CYP4F22: variants seen among roughly 807,000 people sequenced by gnomAD.
CYP4F22 encodes the protein ultra-long-chain fatty acid omega-hydroxylase.
CYP4F22 carries 37 observed loss-of-function variants against 60.4 expected under a neutral mutation model. The observed-to-expected ratio is 0.61, with a 90% CI of 0.47 to 0.81. The LOEUF is 0.81. Among genes scored for constraint, CYP4F22 ranks in the 30% least tolerant of loss-of-function variants. The pLI, the probability that CYP4F22 is intolerant of heterozygous loss-of-function variation, is 0.00. For missense variants in CYP4F22, 655 were observed against 715.0 expected, an observed-to-expected ratio of 0.92 and a Z score of 0.96; for synonymous variants, 258 against 280.5, an observed-to-expected ratio of 0.92 and a Z score of 0.80.
chr19:15,513,538 T>G (rs147333558), intron 1 of CYP4F22, among the ~76,000 whole-genome samples: 7,017 of 151,386 alleles, frequency 0.046, 604 homozygotes, highest in African/African-American at 0.16. Context: ...CTAATTTTTT[T>G]TATTTTTAGT....
rs547013825 is a variant in CYP4F22, at chr19:15,547,965, C to T, written c.1137-143C>T. 71 of 1,243,708 alleles carry T rather than the reference C, an allele frequency of 5.7e-5. No individual in the cohort carries two copies. In the Middle Eastern group the frequency reaches 1.4e-3, roughly 24 times the overall value. The allele number at this position is 1,243,708 out of a possible 1,614,324, so 77.0% of individuals were successfully genotyped here. A position where few individuals can be genotyped will look rare whatever the true frequency, so the allele number is the denominator to read the frequency against. On this transcript the variant is annotated intron_variant, in intron 10 of 13. Coordinates refer to ENST00000269703, the MANE Select transcript of CYP4F22 (RefSeq NM_173483.4). ...CTGGACTGGTTTCTTGCCCAGCTGCCCCTGAGAGAGAGAGAGAGAGAGAGA... is the reference window on the plus strand; with the variant it reads ...CTGGACTGGTTTCTTGCCCAGCTGCTCCTGAGAGAGAGAGAGAGAGAGAGA...
In CYP4F22 at chr19:15,540,950, G is replaced by T. The variant is rs139901168; in HGVS notation, c.939+233G>T. On this transcript the variant is annotated intron_variant, in intron 8 of 13. Coordinates refer to ENST00000269703, the MANE Select transcript of CYP4F22 (RefSeq NM_173483.4). ...AAACAAATAAGTTGGGTGTGGTGCCGCATGCCTATGGTCCCAGCTACTTGG... is the reference window on the plus strand; with the variant it reads ...AAACAAATAAGTTGGGTGTGGTGCCTCATGCCTATGGTCCCAGCTACTTGG... Among the ~76,000 whole-genome samples, 291 of 152,228 alleles carry T rather than the reference G, an allele frequency of 1.9e-3. 1 individual carries two copies. Among genetic ancestry groups the T allele is most frequent in the Non-Finnish European group, 1.2e-3 (79 of 68,014 alleles).
At chr19:15,542,980 G>A (rs1971480811) in intron 8 of CYP4F22, among the ~76,000 whole-genome samples, 2 of 152,100 alleles carry the variant, frequency 1.3e-5, no homozygotes, top group Non-Finnish European at 2.9e-5. Context: ...TTGATTCCAT[G>A]TCTTTGTTAT....
chr19:15,537,305 A>T, intron 4 of CYP4F22, 56 bp from the exon 5 acceptor site: 1 of 1,611,038 alleles, frequency 6.2e-7, no homozygotes, highest in Non-Finnish European at 8.5e-7. Context: ...CGTAAAAAAA[A>T]ACAAAAAACC....
At chr19:15,509,913 CT>C (rs1310007870) in intron 1 of CYP4F22, among the ~76,000 whole-genome samples, 5 of 142,378 alleles carry the variant, frequency 3.5e-5, no homozygotes, top group Non-Finnish European at 7.6e-5. Context: ...TCCTTTCTTT[CT>C]TTCCTTCCTT....
intron 10 of CYP4F22, among the ~76,000 whole-genome samples, chr19:15,546,200 C>T (rs1971524205): frequency 6.6e-6 from 1 of 152,034 alleles, no homozygotes. Context: ...GCTCTCAAAT[C>T]CCTGAGTGCA....
At chr19:15,536,958 C>T (rs1012108510) in intron 4 of CYP4F22, among the ~76,000 whole-genome samples, 8 of 151,862 alleles carry the variant, frequency 5.3e-5, no homozygotes, top group Non-Finnish European at 1.2e-4. Context: ...AGGTTGGAGC[C>T]CAGTGAGGAG....
In CYP4F22 at chr19:15,550,707, C is replaced by T. The variant is rs1277300022; in HGVS notation, c.1369C>T (p.Pro457Ser). Residue 457 changes from proline (P) to serine (S), a missense_variant, in exon 13 of 14, where the codon CCA becomes TCA. Around this residue, in one of 3 missense-constraint regions of CYP4F22, gnomAD observed 151 missense variants for 139.4 expected, o/e 1.08. Coordinates refer to ENST00000269703, the MANE Select transcript of CYP4F22 (RefSeq NM_173483.4). ...YNPYRFDPDN[P>S]QQRSPLAYVP... ...CCCCTACCGCTTTGACCCGGACAACCCACAGCAGCGCTCTCCACTGGCCTA... is the reference window on the plus strand; with the variant it reads ...CCCCTACCGCTTTGACCCGGACAACTCACAGCAGCGCTCTCCACTGGCCTA... The T allele has an allele frequency of 1.2e-6, 2 of 1,614,080 alleles. No individual in the cohort carries two copies. Among genetic ancestry groups the T allele is most frequent in the African/African-American group, 2.7e-5 (2 of 74,930 alleles).
intron 10 of CYP4F22, among the ~76,000 whole-genome samples, chr19:15,545,554 T>G (rs1227173669): frequency 7.7e-6 from 1 of 130,596 alleles, no homozygotes; most frequent in Non-Finnish European, 1.6e-5. Context: ...GAGGCTGAGG[T>G]GGGAGGACTG....
At chr19:15,547,040 T>TTTTTTTTTTTTTTTTTTTTTTTTC (rs1568363633) in intron 10 of CYP4F22, among the ~76,000 whole-genome samples, 1 of 140,144 alleles carries the variant, frequency 7.1e-6, no homozygotes, top group African/African-American at 2.6e-5. Context: ...TTTTTTTTTT[T>TTTTTTTTTTTTTTTTTTTTTTTTC]AAGACAAGAG....
chr19:15,525,627 G>A, intron 3 of CYP4F22, 69 bp downstream of exon 3: 1 of 1,457,276 alleles, frequency 6.9e-7, no homozygotes, highest in Non-Finnish European at 9.3e-7. Context: ...TAGGGATGGT[G>A]GGCCTGCTGG....
rs573643105 is a variant in CYP4F22, at chr19:15,546,485, G to A, written c.1137-1623G>A. Among the ~76,000 whole-genome samples the A allele has an allele frequency of 5.9e-5, 9 of 152,288 alleles. No individual in the cohort carries two copies. In the East Asian group the frequency reaches 1.7e-3, roughly 30 times the overall value. On this transcript the variant is annotated intron_variant, in intron 10 of 13. Coordinates refer to ENST00000269703, the MANE Select transcript of CYP4F22 (RefSeq NM_173483.4). ...TGTAATCCCAGCTGCTTGAGAAGCT[G>A]AGGCGTGAGAATTGCTTGAACCTGG... is the stretch of plus-strand genomic sequence containing the variant.
At chr19:15,541,879 A>AG (rs1445063083) in intron 8 of CYP4F22, among the ~76,000 whole-genome samples, 1 of 149,986 alleles carries the variant, frequency 6.7e-6, no homozygotes, top group African/African-American at 2.4e-5. Context: ...AAAAAAAAAA[A>AG]AAAAGAAAAA....
In CYP4F22 at chr19:15,543,306, C is replaced by T. The variant is rs138909213; in HGVS notation, c.940-665C>T. Among the ~76,000 whole-genome samples, 621 of 152,252 alleles carry T rather than the reference C, an allele frequency of 4.1e-3. 5 individuals carry two copies. Among genetic ancestry groups the T allele is most frequent in the Middle Eastern group, 0.017 (5 of 294 alleles). ...CCTTGATCTCCTGGGCTTAATCCTC[C>T]TGCCTCAGCTTCACCAGTAGCTGGG... On this transcript the variant is annotated intron_variant, in intron 8 of 13. Coordinates refer to ENST00000269703, the MANE Select transcript of CYP4F22 (RefSeq NM_173483.4).
chr19:15,530,890 C>T (rs1971335877), intron 4 of CYP4F22, among the ~76,000 whole-genome samples: 1 of 152,014 alleles, frequency 6.6e-6, no homozygotes, highest in Non-Finnish European at 1.5e-5. Context: ...AACCATATTA[C>T]CTGGGCACCT....
Position 15,540,702 on chromosome 19 carries a change from G to A in CYP4F22, c.924G>A (p.Val308=), listed in dbSNP as rs754822219. Residue 308 remains valine, a synonymous_variant, in exon 8 of 14, where the codon GTG becomes GTA. Coordinates refer to ENST00000269703, the MANE Select transcript of CYP4F22 (RefSeq NM_173483.4). The stretch of plus-strand genomic sequence containing the variant: ...GGAAGACCTTGGACTTTATTGATGT[G>A]CTGCTCCTGGCCAGGGTGAGGCTGG... The part of the protein sequence containing the change: ...KQGKTLDFID[V]LLLARDEDGK... 2 of 1,612,780 alleles carry A rather than the reference G, an allele frequency of 1.2e-6. No homozygotes were observed. The highest frequency in any genetic ancestry group is 2.2e-5 in the South Asian group (2 of 90,974).
intron 4 of CYP4F22, among the ~76,000 whole-genome samples, chr19:15,535,048 G>T (rs1284662427): frequency 6.6e-6 from 1 of 152,196 alleles, no homozygotes; most frequent in Non-Finnish European, 1.5e-5. Context: ...CTATTGACCA[G>T]ATCCTGGTGT....
In CYP4F22 at chr19:15,551,348, A is replaced by G. The variant is rs1433931573; in HGVS notation, c.1473A>G (p.Leu491=). 5 of 1,613,466 alleles carry G rather than the reference A, an allele frequency of 3.1e-6. No individual in the cohort carries two copies. Among genetic ancestry groups the G allele is most frequent in the Middle Eastern group, 1.6e-4 (1 of 6,082 alleles). The change falls in exon 14 of 14, where the codon CTA becomes CTG. Residue 491 remains leucine (L), a synonymous_variant. Transcript: ENST00000269703. ...CCGAGTTGCGCGTGGTTGTGGCACT[A>G]ACACTGCTACGTTTCCGCCTGAGCG... ...AMAELRVVVA[L]TLLRFRLSVD...
chr19:15,544,205 T>C lies in CYP4F22; in HGVS notation c.1062T>C (p.Tyr354=), dbSNP rs1304334703. The C allele has an allele frequency of 1.2e-6, 2 of 1,613,886 alleles. No homozygotes were observed. The highest frequency in any genetic ancestry group is 2.7e-5 in the African/African-American group (2 of 74,850). The change falls in exon 10 of 14, where the codon TAT becomes TAC. Residue 354 remains tyrosine (Y), a synonymous_variant. Coordinates refer to ENST00000269703, the MANE Select transcript of CYP4F22 (RefSeq NM_173483.4). ...GGATGCTGTTCAATTTGGCAAAGTA[T>C]CCGGAATACCAGGAGAAATGCCGAG... ...ISWMLFNLAK[Y]PEYQEKCREE...
Sources: allele counts gnomAD v4.1 joint callset (sites outside exome capture counted in the v4.1 genomes callset), GRCh38; gene constraint gnomAD v4.1.1; regional missense constraint gnomAD v4.1.1; transcripts MANE v1.5; gene names NCBI Gene and HGNC (gene_info 2026-07-23, HGNC 2026-07-21).